The following FIBCD1 variants were observed in gnomAD, a reference collection of about 807,000 sequenced individuals.
The protein encoded by FIBCD1 is fibrinogen C domain containing 1.
Under a neutral mutation model 45.1 loss-of-function variants are expected in FIBCD1, and 47 were observed. The observed-to-expected ratio is 1.04, with a 90% CI of 0.82 to 1.33. The LOEUF is 1.33. Among genes scored for constraint, FIBCD1 ranks in the 40% most tolerant of loss-of-function variants. The probability of loss-of-function intolerance (pLI) is 0.00; values close to 1 mark genes in which losing one functional copy is unlikely to be tolerated. For missense variants in FIBCD1, 653 were observed against 682.2 expected, an observed-to-expected ratio of 0.96 and a Z score of 0.48; for synonymous variants, 313 against 308.1, an observed-to-expected ratio of 1.02 and a Z score of -0.17.
At chr9:130,923,622 GC>G (rs2133104766) in intron 4 of FIBCD1, 121 bp downstream of exon 4, 1 of 1,420,702 alleles carries the variant, frequency 7.0e-7, no homozygotes, top group Non-Finnish European at 9.5e-7. Context: ...CCAGGGCAGG[GC>G]CAGTCCACAG....
At chr9:130,930,075 C>T in intron 1 of FIBCD1, 29 bp from the exon 2 acceptor site, 1 of 1,484,528 alleles carries the variant, frequency 6.7e-7, no homozygotes, top group Non-Finnish European at 8.9e-7. Flanking sequence ...CGCACAGACA[C>T]AGACAGACAG....
At chr9:130,939,879 CG>C (rs1832591030), upstream of FIBCD1, among the ~76,000 whole-genome samples, 1 of 152,060 alleles carries the variant, frequency 6.6e-6, no homozygotes, top group African/African-American at 2.4e-5. Flanking sequence ...GGCTTCTGAC[CG>C]GGAGGCGCCC....
intron 4 of FIBCD1, 26 bp from the exon 5 acceptor site, chr9:130,911,914 C>T (rs556831334): frequency 2.9e-5 from 45 of 1,547,832 alleles, no homozygotes; most frequent in Middle Eastern, 3.9e-4. Flanking sequence ...GGGGATGGGG[C>T]GTTGGCACCG....
At chr9:130,927,240 C>T (rs972502299) in intron 2 of FIBCD1, among the ~76,000 whole-genome samples, 2 of 141,010 alleles carry the variant, frequency 1.4e-5, no homozygotes, top group African/African-American at 2.8e-5. Context: ...AAGACTGTCT[C>T]GAAAAAAAAA....
At chr9:130,907,306 C>T (rs947848795) in intron 5 of FIBCD1, among the ~76,000 whole-genome samples, 11 of 152,168 alleles carry the variant, frequency 7.2e-5, no homozygotes, top group African/African-American at 2.7e-4. Context: ...CGTCCTTCCT[C>T]CAGTCCACGC....
chr9:130,904,267 C>G lies in FIBCD1; in HGVS notation c.1183G>C (p.Asp395His). 6.2e-7 allele frequency: 1 copy of G among 1,613,576 alleles called. No homozygotes were observed. The highest frequency in any genetic ancestry group is 8.5e-7 in the Non-Finnish European group (1 of 1,179,912). The change falls in exon 7 of 7, where the codon GAC (aspartate) becomes CAC (histidine). Residue 395 changes from aspartate (D) to histidine (H), a missense_variant. By Grantham distance (81) the Asp-to-His change is moderately conservative. Transcript: ENST00000372338. ...MRFTTKDRDS[D>H]HSENNCAAFY... The stretch of plus-strand genomic sequence containing the variant: ...GCGGCACAGTTGTTCTCTGAATGGT[C>G]GCTGTCACGGTCCTTGGTGGTGAAC...
At chr9:130,910,572 G>A (rs923009257) in intron 5 of FIBCD1, among the ~76,000 whole-genome samples, 11 of 152,284 alleles carry the variant, frequency 7.2e-5, no homozygotes, top group Non-Finnish European at 1.5e-5. Flanking sequence ...ACTAGGTGAA[G>A]CTAGCTGGGC....
chr9:130,938,331 C>T, intron 1 of FIBCD1: 1 of 445,806 alleles, frequency 2.2e-6, no homozygotes, highest in Non-Finnish European at 4.0e-6. Context: ...GTGGCTCCTG[C>T]AGGGGTGCCG....
intron 1 of FIBCD1, among the ~76,000 whole-genome samples, chr9:130,934,761 G>A (rs949142884): frequency 2.6e-5 from 4 of 152,124 alleles, no homozygotes; most frequent in Non-Finnish European, 4.4e-5. Context: ...CCTACCTGTT[G>A]CCCCCACAAA....
At chr9:130,934,865 C>G (rs572190363) in intron 1 of FIBCD1, among the ~76,000 whole-genome samples, 1 of 152,174 alleles carries the variant, frequency 6.6e-6, no homozygotes, top group Non-Finnish European at 1.5e-5. Context: ...CACTCCCCAG[C>G]TAAACAGTGA....
chr9:130,927,084 A>G (rs889948563), intron 2 of FIBCD1, among the ~76,000 whole-genome samples: 1 of 151,996 alleles, frequency 6.6e-6, no homozygotes, highest in Non-Finnish European at 1.5e-5. Context: ...AAAAATTTTA[A>G]TCAAAAAAAT....
rs1832404269 is a variant in FIBCD1, at chr9:130,929,132, G to A, written c.552+435C>T. ...CATGGTGTGAACTGGGAGGGGGTAT[G>A]GAGAGATGGGGTGCGGCTCTGAGGG... On this transcript the variant is annotated intron_variant, in intron 2 of 6. Coordinates refer to ENST00000372338, the MANE Select transcript of FIBCD1 (RefSeq NM_032843.5). Among the ~76,000 whole-genome samples, 4 of 152,156 alleles carry A rather than the reference G, an allele frequency of 2.6e-5. 1 individual carries two copies. The highest frequency in any genetic ancestry group is 7.2e-5 in the African/African-American group (3 of 41,426).
chr9:130,915,991 A>G (rs1455565934), intron 4 of FIBCD1, among the ~76,000 whole-genome samples: 1 of 152,200 alleles, frequency 6.6e-6, no homozygotes, highest in Non-Finnish European at 1.5e-5. Context: ...GTGCGGTGGC[A>G]CGATCTCAGC....
At chr9:130,913,318 T>G (rs1588106083) in intron 4 of FIBCD1, among the ~76,000 whole-genome samples, 1 of 149,512 alleles carries the variant, frequency 6.7e-6, no homozygotes, top group Non-Finnish European at 1.5e-5. Flanking sequence ...CCGGCCTCCA[T>G]CTGTGTCAGA....
At chr9:130,909,825 G>A (rs1411108489) in intron 5 of FIBCD1, among the ~76,000 whole-genome samples, 3 of 152,302 alleles carry the variant, frequency 2.0e-5, no homozygotes, top group East Asian at 3.9e-4. Context: ...TTTAAACATA[G>A]GTAATGATAT....
Position 130,926,940 on chromosome 9 carries a change from C to G in FIBCD1, c.553-2544G>C, listed in dbSNP as rs1027064732. The stretch of plus-strand genomic sequence containing the variant: ...GCGGAGCCCAGCACATGGTATAGGC[C>G]TATCACTCCTACCAGAAAAGGGATT... On this transcript the variant is annotated intron_variant, in intron 2 of 6. Transcript: ENST00000372338. This position sits in a 1 kb window ranked among gnomAD's most constrained non-coding sequence, Gnocchi z 4.1. 3.9e-5 allele frequency among the ~76,000 whole-genome samples: 6 copies of G among 152,154 alleles called. No individual in the cohort carries two copies. In the East Asian group the frequency reaches 7.7e-4, roughly 20 times the overall value.
At chr9:130,913,082 A>G (rs930991876) in intron 4 of FIBCD1, among the ~76,000 whole-genome samples, 4 of 152,078 alleles carry the variant, frequency 2.6e-5, no homozygotes, top group African/African-American at 9.7e-5. Context: ...TCTGTTGTTC[A>G]TTTTAATAAC....
rs1036758786 is a variant in FIBCD1 at position 130,903,617 on chromosome 9, C to A, written c.*447G>T. ...GGAGGATACTGGCCTCAGACCTGACCTCAGAGAGACCTGACGTTCCCCACG... is the reference window on the plus strand; with the variant it reads ...GGAGGATACTGGCCTCAGACCTGACATCAGAGAGACCTGACGTTCCCCACG... On this transcript the variant is annotated 3_prime_UTR_variant, in exon 7 of 7. Transcript: ENST00000372338. 1 of 277,874 alleles carries A rather than the reference C, an allele frequency of 3.6e-6. No individual in the cohort carries two copies. Among genetic ancestry groups the A allele is most frequent in the South Asian group, 4.1e-5 (1 of 24,236 alleles). 17.2% of individuals were successfully genotyped at this position (277,874 alleles called of 1,614,324 possible).
rs1356196662 is a variant in FIBCD1, at chr9:130,938,528, G to A, written c.72+8C>T. 6.0e-6 allele frequency: 9 copies of A among 1,488,342 alleles called. No homozygotes were observed. In the South Asian group the frequency reaches 6.3e-5, roughly 10 times the overall value. The allele number at this position is 1,488,342 out of a possible 1,614,324, so 92.2% of individuals were successfully genotyped here. On this transcript the variant is annotated splice_region_variant and intron_variant, in intron 1 of 6. Coordinates refer to ENST00000372338, the MANE Select transcript of FIBCD1 (RefSeq NM_032843.5). ...GCCCAGGCCCCGTGTCCCAGCGCCC[G>A]AGCGTACCTGCGGCTTGTCGCGCGG...
Sources: allele counts gnomAD v4.1 joint callset (sites outside exome capture counted in the v4.1 genomes callset), GRCh38; gene constraint gnomAD v4.1.1; non-coding constraint Gnocchi (gnomAD v3.1); transcripts MANE v1.5; gene names NCBI Gene and HGNC (gene_info 2026-07-23, HGNC 2026-07-21).